The following TRAK1 variants were observed in gnomAD, a reference collection of about 807,000 sequenced individuals.
The protein encoded by TRAK1 is trafficking kinesin-binding protein 1.
TRAK1 carries 33 observed loss-of-function variants against 92.1 expected under a neutral mutation model. The observed-to-expected ratio is 0.36, with a 90% confidence interval of 0.27 to 0.48. The LOEUF (loss-of-function observed/expected upper bound fraction) is 0.48. Ranked by LOEUF, TRAK1 falls within the 20% of genes least tolerant of loss-of-function variation. The pLI is 0.99. For missense variants in TRAK1, 1,123 were observed against 1,257.9 expected, an observed-to-expected ratio of 0.89 and a Z score of 1.62; for synonymous variants, 521 against 517.3, an observed-to-expected ratio of 1.01 and a Z score of -0.10.
chr3:42,116,024 T>C (rs970281571), intron 1 of TRAK1, among the ~76,000 whole-genome samples: 1 of 152,208 alleles, frequency 6.6e-6, no homozygotes, highest in Non-Finnish European at 1.5e-5. Context: ...TGAGAGTAAA[T>C]GAAAGGCAGT....
At chr3:42,073,188 G>C (rs1381281339) in intron 1 of TRAK1, among the ~76,000 whole-genome samples, 1 of 152,182 alleles carries the variant, frequency 6.6e-6, no homozygotes, top group African/African-American at 2.4e-5. Context: ...GGCCCTGGGG[G>C]CTCTCCCAGG....
At chr3:42,212,044 C>A (rs1282448975) in intron 14 of TRAK1, 3 of 985,202 alleles carry the variant, frequency 3.0e-6, no homozygotes, top group Admixed American at 6.1e-5. Flanking sequence ...GAGGGGAGAA[C>A]AATGAATTGG....
At chr3:42,023,772 G>C (rs77521430) in intron 1 of TRAK1, among the ~76,000 whole-genome samples, 1 of 8,746 alleles carries the variant, frequency 1.1e-4, no homozygotes, top group Admixed American at 1.4e-3. Context: ...TTTTTTTTTT[G>C]AGACGGAATC....
intron 1 of TRAK1, among the ~76,000 whole-genome samples, chr3:42,016,905 A>G (rs764366317): frequency 2.0e-5 from 3 of 152,090 alleles, no homozygotes; most frequent in Non-Finnish European, 4.4e-5. Flanking sequence ...AGTTTGATAA[A>G]CTTTAAAGTA....
At chr3:42,136,914 C>G (rs1004109045) in intron 2 of TRAK1, among the ~76,000 whole-genome samples, 3 of 152,116 alleles carry the variant, frequency 2.0e-5, no homozygotes, top group African/African-American at 7.2e-5. Flanking sequence ...AACTCCTGAC[C>G]TCAGGTGATC....
intron 1 of TRAK1, among the ~76,000 whole-genome samples, chr3:42,123,395 C>G (rs942450736): frequency 6.6e-6 from 1 of 152,216 alleles, no homozygotes; most frequent in Non-Finnish European, 1.5e-5. Flanking sequence ...CCCTGCTGTT[C>G]CTGCTTTGGT....
intron 14 of TRAK1, chr3:42,217,570 A>C: frequency 1.0e-6 from 1 of 985,398 alleles, no homozygotes; most frequent in Non-Finnish European, 1.2e-6. Context: ...GGAAGTGAAC[A>C]TTTGTGACCT....
At chr3:42,122,841 GTCTGGTCTTGT>G (rs983363365) in intron 1 of TRAK1, among the ~76,000 whole-genome samples, 1 of 152,138 alleles carries the variant, frequency 6.6e-6, no homozygotes, top group Non-Finnish European at 1.5e-5. Flanking sequence ...GACGGAGCAG[GTCTGGTCTTGT>G]TTTTGGCTGG....
chr3:42,082,758 A>G (rs1056122178), upstream of TRAK1, among the ~76,000 whole-genome samples: 2 of 152,234 alleles, frequency 1.3e-5, no homozygotes, highest in Non-Finnish European at 2.9e-5. Context: ...AGTATTTCCA[A>G]CTTCTGTGTA....
chr3:42,134,333 G>A (rs1404353399), intron 2 of TRAK1, among the ~76,000 whole-genome samples: 2 of 151,482 alleles, frequency 1.3e-5, no homozygotes, highest in African/African-American at 4.9e-5. Flanking sequence ...CTGGAGTGCA[G>A]TGGTGGCAAT....
At chr3:42,072,570 CT>C (rs1703982659) in intron 1 of TRAK1, among the ~76,000 whole-genome samples, 10 of 35,862 alleles carry the variant, frequency 2.8e-4, no homozygotes, top group Non-Finnish European at 4.4e-4. Flanking sequence ...TTTTTTCTTT[CT>C]CTTTTTCTTC....
At chr3:42,192,181 C>T (rs113070722) in intron 7 of TRAK1, among the ~76,000 whole-genome samples, 63 of 152,172 alleles carry the variant, frequency 4.1e-4, no homozygotes, top group Non-Finnish European at 6.2e-4. Context: ...GGATTACAGG[C>T]GTGAGCCACC....
intron 2 of TRAK1, chr3:42,160,360 C>CA: frequency 1.2e-6 from 2 of 1,614,016 alleles, no homozygotes; most frequent in Non-Finnish European, 8.5e-7. Flanking sequence ...GTGACTTCAG[C>CA]AATGTCCCTG....
intron 2 of TRAK1, among the ~76,000 whole-genome samples, chr3:42,131,711 C>G (rs1271555488): frequency 6.7e-6 from 1 of 150,346 alleles, no homozygotes; most frequent in Admixed American, 6.7e-5. Flanking sequence ...GAGTGAGACT[C>G]CATCTCAAAA....
chr3:42,158,569 A>G (rs2149289135), intron 2 of TRAK1, among the ~76,000 whole-genome samples: 1 of 51,536 alleles, frequency 1.9e-5, no homozygotes, highest in East Asian at 2.2e-3. Context: ...GAATTTCTAC[A>G]CCTTTTTTTT....
upstream of TRAK1, among the ~76,000 whole-genome samples, chr3:42,086,081 G>A (rs984232149): frequency 5.9e-5 from 9 of 152,198 alleles, no homozygotes; most frequent in African/African-American, 1.4e-4. Context: ...CCTGTTTGAC[G>A]TTTTGTGTGT....
chr3:42,151,284 G>A (rs956266507), intron 2 of TRAK1: 1 of 452,678 alleles, frequency 2.2e-6, no homozygotes, highest in African/African-American at 2.0e-5. Context: ...TGGAGGGTGA[G>A]CGGAGGCCTG....
intron 2 of TRAK1, among the ~76,000 whole-genome samples, chr3:42,127,516 C>T (rs1051762065): frequency 3.3e-5 from 5 of 151,954 alleles, no homozygotes; most frequent in Non-Finnish European, 7.4e-5. Flanking sequence ...CGTACCACCA[C>T]GCTCAGCTAA....
At chr3:42,113,367 C>A (rs185275483) in intron 1 of TRAK1, among the ~76,000 whole-genome samples, 6 of 142,926 alleles carry the variant, frequency 4.2e-5, no homozygotes, top group Non-Finnish European at 3.0e-5. Flanking sequence ...CCTACGCCTA[C>A]GCCTACCCCT....
Sources: gnomAD v4.1 joint callset for allele counts (sites outside exome capture counted in the v4.1 genomes callset) on GRCh38, gnomAD v4.1.1 for gene constraint, MANE v1.5 for transcripts, NCBI Gene and HGNC (gene_info 2026-07-23, HGNC 2026-07-21) for gene names.